The following EDEM3 variants were observed in gnomAD, a reference collection of about 807,000 sequenced individuals.
EDEM3 encodes ER degradation-enhancing alpha-mannosidase-like protein 3.
A neutral mutation model predicts 110.2 loss-of-function variants in EDEM3; 60 were observed. The ratio of observed to expected loss-of-function variants is 0.54; its 90% CI spans 0.44 to 0.67. The LOEUF (loss-of-function observed/expected upper bound fraction) is 0.67. Ranked by LOEUF, EDEM3 falls within the 30% of genes least tolerant of loss-of-function variation. The pLI, the probability that EDEM3 is intolerant of heterozygous loss-of-function variation, is 0.00. For synonymous variants in EDEM3, 352 were observed against 382.9 expected (o/e 0.92, Z 0.94); for missense variants, 996 against 1,121.0 (o/e 0.89, Z 1.59).
chr1:184,741,407 A>C (rs79982009), intron 2 of EDEM3, among the ~76,000 whole-genome samples: 10,921 of 152,126 alleles, frequency 0.072, 456 homozygotes, highest in African/African-American at 0.12. Context: ...CTCAAAAAAA[A>C]ATAAAAATAA....
intron 2 of EDEM3, among the ~76,000 whole-genome samples, chr1:184,741,826 T>C (rs1468848778): frequency 6.6e-6 from 1 of 152,202 alleles, no homozygotes; most frequent in Non-Finnish European, 1.5e-5. Flanking sequence ...AAGAAAAATT[T>C]GAATGGTTAT....
At chr1:184,746,014 A>G (rs1652411098) in intron 2 of EDEM3, among the ~76,000 whole-genome samples, 2 of 152,224 alleles carry the variant, frequency 1.3e-5, no homozygotes, top group South Asian at 4.1e-4. Flanking sequence ...CTGGGGTTAA[A>G]TAAGGTCACA....
chr1:184,708,383 G>A, intron 16 of EDEM3, 39 bp from the exon 17 acceptor site: 1 of 1,600,976 alleles, frequency 6.2e-7, no homozygotes, highest in Non-Finnish European at 8.5e-7. Context: ...TTCCTTTCTG[G>A]AAACTTCCAC....
rs1328480788 is a variant in EDEM3, at chr1:184,691,405, A to G, written c.*2658T>C. ...TACTTGCTCTAATATCTCTTAAAGG[A>G]TTTCAGCTAAAATCCTTGATTCCAG... On this transcript the variant is annotated 3_prime_UTR_variant, in exon 20 of 20. Transcript: ENST00000318130. 1 of 152,526 alleles carries G rather than the reference A, an allele frequency of 6.6e-6. No homozygotes were observed. Among genetic ancestry groups the G allele is most frequent in the African/African-American group, 2.4e-5 (1 of 41,444 alleles). 9.4% of individuals were successfully genotyped at this position (152,526 alleles called of 1,614,324 possible). A position where few individuals can be genotyped will look rare whatever the true frequency, so the allele number is the denominator to read the frequency against.
At chr1:184,694,945 A>G (rs1185417693) in intron 19 of EDEM3, among the ~76,000 whole-genome samples, 1 of 152,070 alleles carries the variant, frequency 6.6e-6, no homozygotes, top group Non-Finnish European at 1.5e-5. Context: ...AGTAAGTCAT[A>G]AAGAAGCAGA....
At position 184,694,274 on chromosome 1, in the gene EDEM3, T is replaced by C. The variant is rs768878712; in HGVS notation, c.2588A>G (p.Gln863Arg). The change falls in exon 20 of 20, where the codon CAG (glutamine) becomes CGG (arginine). Residue 863 changes from glutamine (Q) to arginine (R), a missense_variant. Around this residue, in one of 5 missense-constraint regions of EDEM3, gnomAD observed 345 missense variants for 402.0 expected, o/e 0.86. Transcript: ENST00000318130. ...DNAASISPSE[Q>R]TSNPTENHET... ...ATGGTTTTCTGTGGGATTAGAAGTC[T>C]GTTCAGAAGGGGAAATGCTTGCAGC... 1.2e-5 allele frequency: 20 copies of C among 1,613,404 alleles called. No individual in the cohort carries two copies. In the Middle Eastern group the frequency reaches 6.6e-4, roughly 53 times the overall value.
At chr1:184,713,771 G>A (rs1650392728) in intron 13 of EDEM3, among the ~76,000 whole-genome samples, 1 of 152,150 alleles carries the variant, frequency 6.6e-6, no homozygotes. Flanking sequence ...TGTCACCATG[G>A]GGATATTATA....
chr1:184,714,050 GC>G (rs1202023981), intron 13 of EDEM3, among the ~76,000 whole-genome samples: 1 of 152,162 alleles, frequency 6.6e-6, no homozygotes, highest in Admixed American at 6.6e-5. Context: ...CTGTTTATCT[GC>G]AATACACTTA....
At chr1:184,709,938 A>G (rs868272241) in intron 16 of EDEM3, among the ~76,000 whole-genome samples, 3 of 152,222 alleles carry the variant, frequency 2.0e-5, no homozygotes, top group African/African-American at 7.2e-5. Flanking sequence ...TTTCTCAAAA[A>G]GACATGTTAT....
At chr1:184,717,390 C>T (rs1650610280) in intron 12 of EDEM3, 150 bp downstream of exon 12, 1 of 601,830 alleles carries the variant, frequency 1.7e-6, no homozygotes. Context: ...TTCAATAATT[C>T]TATGGACTAG....
intron 16 of EDEM3, among the ~76,000 whole-genome samples, chr1:184,710,135 G>T (rs1650145753): frequency 6.6e-6 from 1 of 152,114 alleles, no homozygotes; most frequent in Non-Finnish European, 1.5e-5. Context: ...AGAAAACTTA[G>T]ATTTGAGTCC....
chr1:184,733,110 T>A, intron 5 of EDEM3, 120 bp from the exon 6 acceptor site: 1 of 1,016,192 alleles, frequency 9.8e-7, no homozygotes, highest in Non-Finnish European at 1.4e-6. Context: ...AAAAATTACT[T>A]AAACATTATT....
At chr1:184,737,939 C>T (rs1651926358) in intron 2 of EDEM3, among the ~76,000 whole-genome samples, 1 of 151,918 alleles carries the variant, frequency 6.6e-6, no homozygotes, top group African/African-American at 2.4e-5. Flanking sequence ...ATCTGCTTCC[C>T]CTCCCCTCCC....
intron 2 of EDEM3, among the ~76,000 whole-genome samples, chr1:184,745,489 C>G (rs1652380349): frequency 1.3e-5 from 2 of 151,884 alleles, no homozygotes; most frequent in Admixed American, 1.3e-4. Flanking sequence ...GATGAATGCA[C>G]AACAATATGA....
chr1:184,732,945 T>A lies in EDEM3; in HGVS notation c.504A>T (p.Lys168Asn), dbSNP rs1651609696. The change falls in exon 6 of 20, where the codon AAA becomes AAT. Residue 168 changes from lysine (K) to asparagine (N), a missense_variant. Coordinates refer to ENST00000318130, the MANE Select transcript of EDEM3 (RefSeq NM_025191.4). Reference protein sequence around the residue: ...GHSLAIMLKEKGEYMQWYNDE... With the variant: ...GHSLAIMLKENGEYMQWYNDE... ...CATTGTACCACTGCATATATTCACC[T>A]TTTTCTTTCAGCATGATTGCCAGGG... 1 of 1,613,544 alleles carries A rather than the reference T, an allele frequency of 6.2e-7. No homozygotes were observed.
chr1:184,725,706 C>T (rs984185512), intron 7 of EDEM3, among the ~76,000 whole-genome samples: 2 of 151,806 alleles, frequency 1.3e-5, no homozygotes, highest in African/African-American at 4.8e-5. Flanking sequence ...ACTCCAATGA[C>T]ATGCTTAAAT....
intron 7 of EDEM3, among the ~76,000 whole-genome samples, chr1:184,724,842 T>C (rs1374845989): frequency 6.6e-6 from 1 of 152,144 alleles, no homozygotes; most frequent in Non-Finnish European, 1.5e-5. Flanking sequence ...GAGTTTAAAA[T>C]TGAATTACAG....
In EDEM3 at chr1:184,706,684, C is replaced by A. The variant is rs749617259; in HGVS notation, c.2162G>T (p.Arg721Leu). The stretch of plus-strand genomic sequence containing the variant: ...AATGGCTCCAGCATTCTGGATGTTG[C>A]GTGCCTTTTCTGCAAACATGCACTG... Reference protein sequence around the residue: ...RGQCMFAEKARNIQNAGAIGG... With the variant: ...RGQCMFAEKALNIQNAGAIGG... The change falls in exon 18 of 20, where the codon CGC becomes CTC. Residue 721 changes from arginine to leucine, a missense_variant. Coordinates refer to ENST00000318130, the MANE Select transcript of EDEM3 (RefSeq NM_025191.4). The A allele has an allele frequency of 3.7e-6, 6 of 1,613,310 alleles. No individual in the cohort carries two copies. Among genetic ancestry groups the A allele is most frequent in the South Asian group, 1.1e-5 (1 of 90,972 alleles).
Position 184,702,775 on chromosome 1 carries a change from C to T in EDEM3, c.2389+36G>A, listed in dbSNP as rs10911637. The T allele has an allele frequency of 1.8e-5, 26 of 1,441,104 alleles. No individual in the cohort carries two copies. In the Middle Eastern group the frequency reaches 1.2e-3, roughly 69 times the overall value. The allele number at this position is 1,441,104 out of a possible 1,614,324, so 89.3% of individuals were successfully genotyped here. ...TATCAAACTAGCAAAATTAATATTA[C>T]GCTGCATAAAAAAACAAATGGTATT... On this transcript the variant is annotated intron_variant, in intron 19 of 19. Coordinates refer to ENST00000318130, the MANE Select transcript of EDEM3 (RefSeq NM_025191.4).
Sources: allele counts gnomAD v4.1 joint callset (sites outside exome capture counted in the v4.1 genomes callset), GRCh38; gene constraint gnomAD v4.1.1; regional missense constraint gnomAD v4.1.1; transcripts MANE v1.5; gene names NCBI Gene and HGNC (gene_info 2026-07-23, HGNC 2026-07-21).